Variants in PHLDB2 observed in about 807,000 individuals in gnomAD.
PHLDB2 encodes the protein pleckstrin homology like domain family B member 2, also known as pleckstrin homology-like domain family B member 2.
PHLDB2 carries 71 observed loss-of-function variants against 123.6 expected under a neutral mutation model. The observed-to-expected ratio is 0.57, with a 90% CI of 0.47 to 0.70. The LOEUF is 0.70. Among genes scored for constraint, PHLDB2 ranks in the 30% least tolerant of loss-of-function variants. The pLI is 0.00. For missense variants in PHLDB2, 1,446 were observed against 1,519.5 expected, an observed-to-expected ratio of 0.95 and a Z score of 0.80; for synonymous variants, 547 against 541.6, an observed-to-expected ratio of 1.01 and a Z score of -0.14.
Position 111,932,399 on chromosome 3 carries a change from T to A in PHLDB2, c.2130+2T>A, listed in dbSNP as rs2069194647. ...CAGTTACAACAACAACTGAAGAGGG[T>A]CAGTAGCAAACAGGAATGCACCAGT... On this transcript the variant is annotated splice_donor_variant, in intron 6 of 17. Transcript: ENST00000431670. LOFTEE classifies it high-confidence loss of function. 6.5e-7 allele frequency: 1 copy of A among 1,547,044 alleles called. No homozygotes were observed. Among genetic ancestry groups the A allele is most frequent in the Non-Finnish European group, 8.7e-7 (1 of 1,145,114 alleles).
At chr3:111,960,536 T>C (rs933186416) in intron 12 of PHLDB2, among the ~76,000 whole-genome samples, 1 of 152,242 alleles carries the variant, frequency 6.6e-6, no homozygotes, top group East Asian at 1.9e-4. Context: ...ACAGAAATTT[T>C]GACATACAAT....
At chr3:111,773,157 C>T (rs1385296655) in intron 1 of PHLDB2, among the ~76,000 whole-genome samples, 2 of 152,184 alleles carry the variant, frequency 1.3e-5, no homozygotes, top group Admixed American at 1.3e-4. Context: ...CTGATAGCAT[C>T]GCTCGAAGTG....
rs1410780245 is a variant in PHLDB2 at position 111,884,961 on chromosome 3, T to C, written c.884T>C (p.Val295Ala). ...KLGEKDLPHS[V>A]IDNDNYLNFS... ...GGGGAAAAGGATCTACCTCATAGCG[T>C]AATAGACAATGACAATTACCTTAAT... The change falls in exon 2 of 18, where the codon GTA (valine) becomes GCA (alanine). Residue 295 changes from valine (V) to alanine (A), a missense_variant. Around this residue, in one of 3 missense-constraint regions of PHLDB2, gnomAD observed 832 missense variants for 831.9 expected, o/e 1.00. Transcript: ENST00000431670. The C allele has an allele frequency of 1.2e-6, 2 of 1,614,122 alleles. No individual in the cohort carries two copies. The highest frequency in any genetic ancestry group is 1.7e-6 in the Non-Finnish European group (2 of 1,180,018).
intron 2 of PHLDB2, among the ~76,000 whole-genome samples, chr3:111,898,174 G>GTGTT (rs1553747067): frequency 1.2e-4 from 14 of 112,014 alleles, no homozygotes; most frequent in African/African-American, 4.7e-4. Flanking sequence ...GTGTGTGTGT[G>GTGTT]TGTGTGTTTG....
chr3:111,879,173 G>T (rs138411701), intron 1 of PHLDB2, among the ~76,000 whole-genome samples: 47 of 152,212 alleles, frequency 3.1e-4, no homozygotes, highest in Admixed American at 2.7e-3. Context: ...CTGTGAATCC[G>T]TCTGGTCCTG....
intron 1 of PHLDB2, among the ~76,000 whole-genome samples, chr3:111,744,804 A>G (rs1275014242): frequency 6.6e-6 from 1 of 152,180 alleles, no homozygotes; most frequent in East Asian, 1.9e-4. Flanking sequence ...CTTAACATCA[A>G]AGTGAATTAT....
At chr3:111,951,809 G>A (rs966673553) in intron 10 of PHLDB2, among the ~76,000 whole-genome samples, 2 of 151,824 alleles carry the variant, frequency 1.3e-5, no homozygotes, top group Admixed American at 6.6e-5. Context: ...GTTTGGTTAC[G>A]TGGATAAGTT....
intron 2 of PHLDB2, among the ~76,000 whole-genome samples, chr3:111,895,708 G>T (rs1336105363): frequency 1.3e-5 from 2 of 152,118 alleles, no homozygotes; most frequent in South Asian, 2.1e-4. Context: ...AATTAGCCAG[G>T]CGTGGTGGCA....
intron 1 of PHLDB2, among the ~76,000 whole-genome samples, chr3:111,740,389 A>G (rs1249361085): frequency 2.6e-5 from 4 of 152,020 alleles, no homozygotes; most frequent in Admixed American, 6.6e-5. Context: ...TTAATTAACT[A>G]TCATCACCAG....
chr3:111,815,155 G>A (rs529882516), intron 1 of PHLDB2, among the ~76,000 whole-genome samples: 2 of 152,222 alleles, frequency 1.3e-5, no homozygotes, highest in South Asian at 4.2e-4. Context: ...CATCCATGTG[G>A]AACTGTAAGT....
intron 1 of PHLDB2, among the ~76,000 whole-genome samples, chr3:111,836,009 T>C (rs370586906): frequency 2.0e-5 from 3 of 152,266 alleles, no homozygotes. Flanking sequence ...CAATGTCACA[T>C]GGTGGCATGA....
chr3:111,749,057 C>T (rs533330357), intron 1 of PHLDB2, among the ~76,000 whole-genome samples: 3 of 151,066 alleles, frequency 2.0e-5, no homozygotes, highest in Non-Finnish European at 4.4e-5. Context: ...TACCTATGAG[C>T]CTTTTTCATT....
intron 1 of PHLDB2, among the ~76,000 whole-genome samples, chr3:111,823,315 A>G (rs1382518622): frequency 6.6e-6 from 1 of 152,234 alleles, no homozygotes; most frequent in Non-Finnish European, 1.5e-5. Context: ...CTGAGAAAAT[A>G]CTTATTCTGT....
At chr3:111,765,087 G>A (rs1240966058) in intron 1 of PHLDB2, among the ~76,000 whole-genome samples, 3 of 152,202 alleles carry the variant, frequency 2.0e-5, no homozygotes, top group Non-Finnish European at 2.9e-5. Flanking sequence ...AAAAAAGTCT[G>A]AGGCTTGGCT....
intron 2 of PHLDB2, among the ~76,000 whole-genome samples, chr3:111,849,948 G>A (rs930294949): frequency 1.3e-5 from 2 of 151,352 alleles, no homozygotes; most frequent in Non-Finnish European, 2.9e-5. Context: ...TGCAAGCTCC[G>A]CCTCCCGGGT....
intron 2 of PHLDB2, among the ~76,000 whole-genome samples, chr3:111,892,163 A>G (rs530489254): frequency 2.0e-5 from 3 of 152,326 alleles, no homozygotes; most frequent in East Asian, 3.9e-4. Context: ...TTTTACACAC[A>G]TACGAATTTT....
Position 111,884,839 on chromosome 3 carries a change from A to T in PHLDB2, c.762A>T (p.Arg254=). Reference sequence around the variant, plus strand: ...TGAGTCACATGGGAGCCTACAGCCGATCACTTCCCAGGTTGTACAGAGCCA... The same window carrying T: ...TGAGTCACATGGGAGCCTACAGCCGTTCACTTCCCAGGTTGTACAGAGCCA... The part of the protein sequence containing the change: ...SSLSHMGAYS[R]SLPRLYRATE... The change falls in exon 2 of 18, where the codon CGA becomes CGT. Residue 254 remains arginine (R), a synonymous_variant. Coordinates refer to ENST00000431670, the MANE Select transcript of PHLDB2 (RefSeq NM_001134438.2). 1 of 1,614,108 alleles carries T rather than the reference A, an allele frequency of 6.2e-7. No homozygotes were observed.
At chr3:111,737,616 G>A (rs2059532308) in intron 1 of PHLDB2, among the ~76,000 whole-genome samples, 1 of 152,064 alleles carries the variant, frequency 6.6e-6, no homozygotes, top group Admixed American at 6.6e-5. Context: ...TAAGACCTCT[G>A]TATTTGGAGG....
intron 1 of PHLDB2, among the ~76,000 whole-genome samples, chr3:111,787,850 G>C (rs1379818970): frequency 6.6e-6 from 1 of 152,130 alleles, no homozygotes. Context: ...AGATCACCAA[G>C]TTGAAGATAC....
Sources: gnomAD v4.1 joint callset for allele counts (sites outside exome capture counted in the v4.1 genomes callset) on GRCh38, gnomAD v4.1.1 for gene constraint, gnomAD v4.1.1 regional missense constraint, MANE v1.5 for transcripts, NCBI Gene and HGNC (gene_info 2026-07-23, HGNC 2026-07-21) for gene names.